Variants in SCNN1B observed in about 807,000 individuals in gnomAD.
The protein encoded by SCNN1B is sodium channel epithelial 1 subunit beta, also known as epithelial sodium channel subunit beta.
Under a neutral mutation model 65.3 loss-of-function variants are expected in SCNN1B, and 46 were observed. That is an observed-to-expected ratio of 0.70 (90% CI 0.56 to 0.90). The LOEUF is 0.90. Ranked by LOEUF, SCNN1B falls within the 40% of genes least tolerant of loss-of-function variation. SCNN1B has a pLI of 0.00. For missense variants in SCNN1B, 751 were observed against 830.5 expected, an observed-to-expected ratio of 0.90 and a Z score of 1.18; for synonymous variants, 349 against 330.6, an observed-to-expected ratio of 1.06 and a Z score of -0.60.
intron 1 of SCNN1B, among the ~76,000 whole-genome samples, chr16:23,337,262 T>C (rs1423062073): frequency 6.6e-6 from 1 of 152,062 alleles, no homozygotes; most frequent in Non-Finnish European, 1.5e-5. Flanking sequence ...ATATGTTACC[T>C]GGGCTGGTTT....
At chr16:23,325,025 A>G (rs1199315231) in intron 1 of SCNN1B, among the ~76,000 whole-genome samples, 1 of 152,202 alleles carries the variant, frequency 6.6e-6, no homozygotes, top group African/African-American at 2.4e-5. Flanking sequence ...TGCTCTGGCA[A>G]TAAGGAAAGC....
Position 23,375,842 on chromosome 16 carries a change from C to A in SCNN1B, c.1257C>A (p.Asp419Glu), listed in dbSNP as rs2303155. The A allele has an allele frequency of 6.2e-7, 1 of 1,611,026 alleles. No individual in the cohort carries two copies. Among genetic ancestry groups the A allele is most frequent in the Non-Finnish European group, 8.5e-7 (1 of 1,177,224 alleles). ...GGGAGAAATACTGCAACAACCGGGA[C>A]TTCCCAGACTGGGGTGAGCGGGGGC... ...PRGEKYCNNR[D>E]FPDWAHCYSD... Residue 419 changes from aspartate (D) to glutamate (E), a missense_variant, in exon 8 of 13, where the codon GAC becomes GAA. By Grantham distance (45) the Asp-to-Glu change is conservative (BLOSUM62 2). Coordinates refer to ENST00000343070, the MANE Select transcript of SCNN1B (RefSeq NM_000336.3).
In SCNN1B at chr16:23,348,280, C is replaced by T. The variant is rs761363088; in HGVS notation, c.-8-312C>T. ...GTTGAGAGTTTAAGTCACTTGTTCA[C>T]TAGGTTATGAATTCCCAAAGGGCAA... On this transcript the variant is annotated intron_variant, in intron 1 of 12. Coordinates refer to ENST00000343070, the MANE Select transcript of SCNN1B (RefSeq NM_000336.3). The surrounding 1 kb of genome is among the most constrained non-coding windows in gnomAD (Gnocchi z 4.5). Among the ~76,000 whole-genome samples, 5 of 152,166 alleles carry T rather than the reference C, an allele frequency of 3.3e-5. No individual in the cohort carries two copies. Among genetic ancestry groups the T allele is most frequent in the Non-Finnish European group, 5.9e-5 (4 of 68,038 alleles).
At chr16:23,304,053 G>T in intron 1 of SCNN1B, 2 of 1,535,406 alleles carry the variant, frequency 1.3e-6, no homozygotes, top group Non-Finnish European at 1.7e-6. Flanking sequence ...ATGGATTCCC[G>T]CCGTGGATAA....
chr16:23,378,487 G>A (rs1370059490), intron 10 of SCNN1B, among the ~76,000 whole-genome samples: 3 of 152,136 alleles, frequency 2.0e-5, no homozygotes, highest in Non-Finnish European at 4.4e-5. Flanking sequence ...GGGTGGCCAG[G>A]CCCGCCGAGG....
intron 1 of SCNN1B, among the ~76,000 whole-genome samples, chr16:23,344,897 G>A (rs1349889330): frequency 1.3e-5 from 2 of 152,194 alleles, no homozygotes; most frequent in South Asian, 2.1e-4. Context: ...AAGTGGCTAA[G>A]GTGGGAGGAT....
intron 2 of SCNN1B, among the ~76,000 whole-genome samples, chr16:23,291,980 C>G (rs866218886): frequency 1.3e-5 from 2 of 151,818 alleles, no homozygotes; most frequent in Middle Eastern, 3.4e-3. Context: ...ATATTGTAGC[C>G]GTTGTTCTGC....
intron 2 of SCNN1B, among the ~76,000 whole-genome samples, chr16:23,293,312 AC>A (rs1290090507): frequency 6.6e-6 from 1 of 152,140 alleles, no homozygotes; most frequent in Non-Finnish European, 1.5e-5. Context: ...GTCTCTACAC[AC>A]AATGGAATAT....
chr16:23,365,607 A>AG (rs1962649191), intron 4 of SCNN1B, among the ~76,000 whole-genome samples: 5 of 76,718 alleles, frequency 6.5e-5, no homozygotes, highest in Admixed American at 1.2e-4. Context: ...GAAAGAAAGA[A>AG]AGAAAGAAAG....
upstream of SCNN1B, among the ~76,000 whole-genome samples, chr16:23,300,777 G>A (rs574314339): frequency 6.6e-6 from 1 of 152,208 alleles, no homozygotes; most frequent in South Asian, 2.1e-4. Context: ...GGCTGCAGGG[G>A]TCACACCACT....
At chr16:23,287,066 G>A (rs1015036948) in intron 2 of SCNN1B, among the ~76,000 whole-genome samples, 36 of 150,784 alleles carry the variant, frequency 2.4e-4, no homozygotes, top group African/African-American at 8.3e-4. Flanking sequence ...GTACAATGGG[G>A]TGATCTCCAC....
At chr16:23,312,146 C>T (rs561109025) in intron 1 of SCNN1B, among the ~76,000 whole-genome samples, 37 of 152,250 alleles carry the variant, frequency 2.4e-4, no homozygotes, top group Admixed American at 2.2e-3. Context: ...TCCTTTCTTT[C>T]ATTTTTGTAG....
chr16:23,380,477 T>C lies in SCNN1B; in HGVS notation c.1599T>C (p.Ser533=), dbSNP rs1383171390. The C allele has an allele frequency of 6.2e-6, 10 of 1,614,238 alleles. No individual in the cohort carries two copies. In the East Asian group the frequency reaches 1.8e-4, roughly 29 times the overall value. ...GGQFGFWMGG[S]VLCLIEFGEI... is the part of the protein sequence containing the mutation. ...AGTTTGGCTTCTGGATGGGGGGCTC[T>C]GTGCTGTGCCTCATCGAGTTTGGGG... The change falls in exon 13 of 13, where the codon TCT becomes TCC. Residue 533 remains serine, a synonymous_variant. Transcript: ENST00000343070. The surrounding 1 kb of genome is among the most constrained non-coding windows in gnomAD (Gnocchi z 5.4).
At chr16:23,378,288 G>C (rs1457963928) in intron 10 of SCNN1B, among the ~76,000 whole-genome samples, 1 of 152,216 alleles carries the variant, frequency 6.6e-6, no homozygotes, top group African/African-American at 2.4e-5. Context: ...GGGATTACAG[G>C]CATGAGCCAC....
intron 1 of SCNN1B, among the ~76,000 whole-genome samples, chr16:23,346,208 T>C (rs1255625701): frequency 1.4e-5 from 1 of 70,094 alleles, no homozygotes; most frequent in Non-Finnish European, 2.9e-5. Context: ...TTCTTTTTTT[T>C]TTTTTTTTTT....
rs544998438 is a variant in SCNN1B, at chr16:23,380,019, T to C, written c.1467-75T>C. ...GCACGTGCATGTGTGTGCATGTGTC[T>C]ATGTGCGTGTGTGTGTGTCTGTCTG... On this transcript the variant is annotated intron_variant, in intron 11 of 12. Transcript: ENST00000343070. This position sits in a 1 kb window ranked among gnomAD's most constrained non-coding sequence, Gnocchi z 5.4. The C allele has an allele frequency of 3.5e-5, 38 of 1,085,870 alleles. No homozygotes were observed. In the African/African-American group the frequency reaches 5.2e-4, roughly 15 times the overall value. The allele number at this position is 1,085,870 out of a possible 1,614,324, so 67.3% of individuals were successfully genotyped here. A position where few individuals can be genotyped will look rare whatever the true frequency, so the allele number is the denominator to read the frequency against.
intron 1 of SCNN1B, among the ~76,000 whole-genome samples, chr16:23,311,139 G>A (rs1401102624): frequency 6.6e-6 from 1 of 152,270 alleles, no homozygotes; most frequent in Non-Finnish European, 1.5e-5. Context: ...AATTGACCCA[G>A]TGGTTATCTC....
chr16:23,374,107 T>C (rs1962838848), intron 7 of SCNN1B, among the ~76,000 whole-genome samples: 1 of 151,762 alleles, frequency 6.6e-6, no homozygotes. Flanking sequence ...TCTACAAGAA[T>C]ATAAGACGCC....
chr16:23,367,209 C>T (rs1474018370), intron 4 of SCNN1B, among the ~76,000 whole-genome samples: 1 of 152,180 alleles, frequency 6.6e-6, no homozygotes, highest in Admixed American at 6.5e-5. Context: ...TCATAGGTTC[C>T]GGGGCTGAGG....
Sources: allele counts gnomAD v4.1 joint callset (sites outside exome capture counted in the v4.1 genomes callset), GRCh38; gene constraint gnomAD v4.1.1; non-coding constraint Gnocchi (gnomAD v3.1); transcripts MANE v1.5; gene names NCBI Gene and HGNC (gene_info 2026-07-23, HGNC 2026-07-21).